Variants in CTNNA3 observed in about 807,000 individuals in gnomAD.
CTNNA3 encodes catenin alpha-3.
CTNNA3 carries 76 observed loss-of-function variants against 95.7 expected under a neutral mutation model. The observed-to-expected ratio is 0.79, with a 90% confidence interval of 0.66 to 0.96. CTNNA3 has a LOEUF of 0.96. Ranked by LOEUF, CTNNA3 falls within the 40% of genes least tolerant of loss-of-function variation. The pLI, the probability that CTNNA3 is intolerant of heterozygous loss-of-function variation, is 0.00. For synonymous variants in CTNNA3, 431 were observed against 374.4 expected, an observed-to-expected ratio of 1.15 and a Z score of -1.74; for missense variants, 1,191 against 1,089.8, an observed-to-expected ratio of 1.09 and a Z score of -1.31.
At chr10:66,346,242 T>TAGAGAG (rs1347078009) in intron 12 of CTNNA3, among the ~76,000 whole-genome samples, 5 of 8,866 alleles carry the variant, frequency 5.6e-4, no homozygotes, top group African/African-American at 1.6e-3. Context: ...TATATATATA[T>TAGAGAG]ATATAGAGAG....
chr10:66,977,418 G>C (rs966752249), intron 7 of CTNNA3, among the ~76,000 whole-genome samples: 9 of 129,790 alleles, frequency 6.9e-5, no homozygotes, highest in Admixed American at 2.6e-4. Flanking sequence ...CCTGGCGATA[G>C]AGTGAAACTC....
intron 17 of CTNNA3, among the ~76,000 whole-genome samples, chr10:65,956,906 G>T (rs1410899529): frequency 6.6e-6 from 1 of 152,152 alleles, no homozygotes; most frequent in Non-Finnish European, 1.5e-5. Flanking sequence ...TATTAGGTCT[G>T]CTTGGTGCAG....
At chr10:67,631,834 T>C (rs982935063) in intron 2 of CTNNA3, among the ~76,000 whole-genome samples, 3 of 152,130 alleles carry the variant, frequency 2.0e-5, no homozygotes, top group African/African-American at 7.2e-5. Flanking sequence ...TGGATGAACC[T>C]GGAGGACATT....
intron 3 of CTNNA3, among the ~76,000 whole-genome samples, chr10:67,581,486 T>C (rs902497378): frequency 2.6e-5 from 4 of 152,224 alleles, no homozygotes; most frequent in East Asian, 3.9e-4. Flanking sequence ...GATCTTTGCA[T>C]TGATGTTCAT....
chr10:66,033,127 C>CT (rs1214766862), intron 15 of CTNNA3, among the ~76,000 whole-genome samples: 2 of 75,832 alleles, frequency 2.6e-5, no homozygotes, highest in Non-Finnish European at 5.6e-5. Context: ...ATTTTTTTTT[C>CT]TTTTTTTCTT....
At chr10:67,374,660 GA>G (rs1843623451) in intron 5 of CTNNA3, among the ~76,000 whole-genome samples, 1 of 151,970 alleles carries the variant, frequency 6.6e-6, no homozygotes, top group African/African-American at 2.4e-5. Context: ...GAGTACATGA[GA>G]TATTTTGTTA....
chr10:67,617,488 C>T (rs117443586), intron 2 of CTNNA3, among the ~76,000 whole-genome samples: 1,989 of 152,106 alleles, frequency 0.013, 26 homozygotes, highest in Non-Finnish European at 0.02. Context: ...GCCACATTTT[C>T]TTTATCCTGT....
Position 66,503,605 on chromosome 10 carries a change from A to G in CTNNA3, c.1531+17012T>C, listed in dbSNP as rs1210698496. ...TGCCTCAGCCTCCCTAGTAGCTGGG[A>G]TTACAGGCACATGCCACCATGCCTG... On this transcript the variant is annotated intron_variant, in intron 11 of 17. Transcript: ENST00000433211. 2.4e-4 allele frequency among the ~76,000 whole-genome samples: 37 copies of G among 151,914 alleles called. 1 individual carries two copies. The highest frequency in any genetic ancestry group is 2.4e-3 in the Admixed American group (37 of 15,244).
chr10:67,566,072 T>TATATATATATATATATATAC (rs1265158791), intron 3 of CTNNA3, among the ~76,000 whole-genome samples: 9 of 102,148 alleles, frequency 8.8e-5, no homozygotes, highest in Non-Finnish European at 1.2e-4. Flanking sequence ...TATATATATA[T>TATATATATATATATATATAC]ACAAAACCTA....
intron 7 of CTNNA3, among the ~76,000 whole-genome samples, chr10:67,119,688 A>C (rs1859363740): frequency 2.6e-5 from 4 of 151,914 alleles, no homozygotes; most frequent in African/African-American, 7.2e-5. Context: ...GTAAGGGAAA[A>C]CAAGTAGTGA....
intron 13 of CTNNA3, among the ~76,000 whole-genome samples, chr10:66,241,181 T>G (rs943438572): frequency 6.6e-6 from 1 of 152,056 alleles, no homozygotes; most frequent in Admixed American, 6.6e-5. Flanking sequence ...TAAATGCTCA[T>G]ACACAATTGG....
intron 13 of CTNNA3, among the ~76,000 whole-genome samples, chr10:66,144,780 A>G (rs1480744502): frequency 6.6e-6 from 1 of 152,112 alleles, no homozygotes; most frequent in East Asian, 1.9e-4. Context: ...GAGCCATGAC[A>G]CCCAGCCTTC....
At chr10:66,057,598 T>G (rs758768995) in intron 15 of CTNNA3, among the ~76,000 whole-genome samples, 15 of 152,168 alleles carry the variant, frequency 9.9e-5, no homozygotes, top group Non-Finnish European at 1.8e-4. Flanking sequence ...CTAAATAGTT[T>G]CTAGTGATTC....
At chr10:66,137,993 T>C (rs2083438724) in intron 13 of CTNNA3, among the ~76,000 whole-genome samples, 1 of 151,346 alleles carries the variant, frequency 6.6e-6, no homozygotes, top group African/African-American at 2.4e-5. Flanking sequence ...TAAATAACAA[T>C]AAATGATATA....
chr10:66,981,183 C>CCT, intron 7 of CTNNA3, among the ~76,000 whole-genome samples: 1 of 152,282 alleles, frequency 6.6e-6, no homozygotes, highest in East Asian at 1.9e-4. Context: ...GGATTACAGG[C>CCT]GTGAGCCACC....
At chr10:66,698,411 C>A (rs1175572624) in intron 9 of CTNNA3, among the ~76,000 whole-genome samples, 1 of 152,222 alleles carries the variant, frequency 6.6e-6, no homozygotes, top group East Asian at 1.9e-4. Flanking sequence ...GCGCTTATTC[C>A]TTCCATCTAT....
At chr10:67,673,980 C>A (rs1271938169) in intron 1 of CTNNA3, among the ~76,000 whole-genome samples, 1 of 151,626 alleles carries the variant, frequency 6.6e-6, no homozygotes, top group East Asian at 2.0e-4. Flanking sequence ...ATAGCCAACT[C>A]TTTGCTGTAG....
intron 12 of CTNNA3, among the ~76,000 whole-genome samples, chr10:66,354,565 A>C (rs2092594642): frequency 6.6e-6 from 1 of 152,054 alleles, no homozygotes; most frequent in Non-Finnish European, 1.5e-5. Flanking sequence ...AAATATTTAG[A>C]AGTAGTTGAG....
chr10:66,196,971 C>T (rs2086997297), intron 13 of CTNNA3, among the ~76,000 whole-genome samples: 2 of 151,524 alleles, frequency 1.3e-5, no homozygotes, highest in African/African-American at 4.9e-5. Context: ...TTAGGCAGGA[C>T]AAATTACAGC....
Sources: allele counts gnomAD v4.1 joint callset (sites outside exome capture counted in the v4.1 genomes callset), GRCh38; gene constraint gnomAD v4.1.1; transcripts MANE v1.5; gene names NCBI Gene and HGNC (gene_info 2026-07-23, HGNC 2026-07-21).